The following AP3D1 variants were observed in gnomAD, a reference collection of about 807,000 sequenced individuals.
AP3D1 encodes the protein adaptor related protein complex 3 subunit delta 1.
In AP3D1, 51 loss-of-function variants were observed where a neutral mutation model predicts 147.6. The ratio of observed to expected loss-of-function variants is 0.35; its 90% CI spans 0.28 to 0.44. The LOEUF (loss-of-function observed/expected upper bound fraction) is 0.44, where lower values mean the gene tolerates loss of function less well. Among genes scored for constraint, AP3D1 ranks in the 20% least tolerant of loss-of-function variants. The probability of loss-of-function intolerance (pLI) is 1.00; values close to 1 mark genes in which losing one functional copy is unlikely to be tolerated. For synonymous variants in AP3D1, 760 were observed against 663.0 expected, an observed-to-expected ratio of 1.15 and a Z score of -2.25; for missense variants, 1,421 against 1,624.2, an observed-to-expected ratio of 0.87 and a Z score of 2.15.
chr19:2,115,585 T>G lies in AP3D1; in HGVS notation c.2102A>C (p.His701Pro). ...KRYQDTPGVE[H>P]IPVVQIDLSV... ...GAGGTCAATCTGCACCACGGGAATGTGCTCCACGCCCGGGGTGTCCTGGTA... is the reference window on the plus strand; with the variant it reads ...GAGGTCAATCTGCACCACGGGAATGGGCTCCACGCCCGGGGTGTCCTGGTA... Residue 701 changes from histidine to proline, a missense_variant, in exon 19 of 32, where the codon CAC (histidine) becomes CCC (proline). By Grantham distance (77) the His-to-Pro change is moderately conservative. Coordinates refer to ENST00000643116, the MANE Select transcript of AP3D1 (RefSeq NM_001261826.3). 1 of 1,613,058 alleles carries G rather than the reference T, an allele frequency of 6.2e-7. No homozygotes were observed. The highest frequency in any genetic ancestry group is 8.5e-7 in the Non-Finnish European group (1 of 1,179,800).
chr19:2,119,949 T>G (rs1337187111), intron 14 of AP3D1, among the ~76,000 whole-genome samples: 1 of 151,936 alleles, frequency 6.6e-6, no homozygotes, highest in East Asian at 1.9e-4. Flanking sequence ...AGACTCTGTC[T>G]CGGGGCGAGG....
chr19:2,109,237 G>C, intron 29 of AP3D1, 30 bp from the exon 30 acceptor site: 1 of 1,550,528 alleles, frequency 6.4e-7, no homozygotes, highest in Middle Eastern at 1.7e-4. Context: ...GCTGACTGCG[G>C]TGGGGCCGGG....
chr19:2,107,662 C>T (rs933520513), intron 31 of AP3D1, among the ~76,000 whole-genome samples: 19 of 151,556 alleles, frequency 1.3e-4, no homozygotes, highest in African/African-American at 4.6e-4. Context: ...ATGGCGTGAA[C>T]CAGGGAGGCG....
chr19:2,126,452 G>A (rs909418865), intron 9 of AP3D1, among the ~76,000 whole-genome samples: 1 of 152,066 alleles, frequency 6.6e-6, no homozygotes, highest in South Asian at 2.1e-4. Flanking sequence ...TCAGGAGTTC[G>A]AGACCAGCCT....
At chr19:2,140,778 G>A (rs557726486) in intron 1 of AP3D1, among the ~76,000 whole-genome samples, 95 of 24,804 alleles carry the variant, frequency 3.8e-3, no homozygotes, top group Non-Finnish European at 8.2e-3. Flanking sequence ...TTTTTTTTTT[G>A]AGACGGAGTC....
At chr19:2,137,130 C>T in intron 3 of AP3D1, 39 bp from the exon 4 acceptor site, 3 of 1,523,576 alleles carry the variant, frequency 2.0e-6, no homozygotes, top group Non-Finnish European at 1.8e-6. Flanking sequence ...GGCAGGACAC[C>T]CGCAGCCTCC....
At position 2,121,063 on chromosome 19, in the gene AP3D1, C is replaced by T. The variant is rs748434647; in HGVS notation, c.1280G>A (p.Arg427Gln). ...WYISILVELT[R>Q]LEGTRHGHLI... ...GTGGCCGTGCCGTGTGCCCTCCAGC[C>T]GGGTCAGCTCCACCAGGATGCTGAT... Residue 427 changes from arginine (R) to glutamine (Q), a missense_variant, in exon 14 of 32, where the codon CGG (arginine) becomes CAG (glutamine). Around this residue, in one of 6 missense-constraint regions of AP3D1, gnomAD observed 310 missense variants for 388.1 expected, o/e 0.80. Transcript: ENST00000643116. 3.5e-5 allele frequency: 56 copies of T among 1,613,370 alleles called. No individual in the cohort carries two copies. Among genetic ancestry groups the T allele is most frequent in the South Asian group, 6.6e-5 (6 of 91,074 alleles).
intron 18 of AP3D1, among the ~76,000 whole-genome samples, chr19:2,115,971 G>A (rs1050706073): frequency 2.0e-5 from 3 of 152,270 alleles, no homozygotes; most frequent in African/African-American, 7.2e-5. Flanking sequence ...TGGGGTCAGG[G>A]CTGGACAGCA....
intron 5 of AP3D1, among the ~76,000 whole-genome samples, chr19:2,132,198 G>A (rs1203843082): frequency 6.6e-6 from 1 of 152,106 alleles, no homozygotes; most frequent in Admixed American, 6.5e-5. Context: ...TCAGACCTCA[G>A]GGCAAACATC....
chr19:2,121,890 A>C lies in AP3D1; in HGVS notation c.956-11T>G, dbSNP rs1300935599. On this transcript the variant is annotated splice_polypyrimidine_tract_variant and intron_variant, in intron 11 of 31. Coordinates refer to ENST00000643116, the MANE Select transcript of AP3D1 (RefSeq NM_001261826.3). ...GCCCCAGGTACTTCACTGCAGAGAG[A>C]GGCCAGAGCCGGGTCACTGGGACGG... 1 of 1,594,798 alleles carries C rather than the reference A, an allele frequency of 6.3e-7. No homozygotes were observed. Among genetic ancestry groups the C allele is most frequent in the Admixed American group, 1.8e-5 (1 of 55,530 alleles).
intron 1 of AP3D1, among the ~76,000 whole-genome samples, chr19:2,139,810 A>T (rs2238598): frequency 0.069 from 10,546 of 152,164 alleles, 648 homozygotes; most frequent in East Asian, 0.16. Context: ...CAAGGATGGC[A>T]AGCCCACCCC....
At chr19:2,161,155 G>GTTT (rs58654241) in intron 1 of AP3D1, among the ~76,000 whole-genome samples, 20 of 125,374 alleles carry the variant, frequency 1.6e-4, no homozygotes, top group Middle Eastern at 4.1e-3. Context: ...GCTTCTCCTA[G>GTTT]TTTTTTTTTT....
At chr19:2,139,431 T>C (rs1051805882) in intron 1 of AP3D1, among the ~76,000 whole-genome samples, 1 of 152,130 alleles carries the variant, frequency 6.6e-6, no homozygotes, top group African/African-American at 2.4e-5. Flanking sequence ...GCCTGCTCAC[T>C]AACTGCGCGT....
chr19:2,132,412 T>C (rs899583984), intron 5 of AP3D1, 59 bp downstream of exon 5: 30 of 1,499,416 alleles, frequency 2.0e-5, no homozygotes, highest in Admixed American at 5.3e-5. Context: ...GCATGCCACT[T>C]TGACCGAGTT....
chr19:2,118,611 A>G lies in AP3D1; in HGVS notation c.1703T>C (p.Val568Ala), dbSNP rs561795998. The G allele has an allele frequency of 1.9e-6, 3 of 1,609,186 alleles. No homozygotes were observed. In the East Asian group the frequency reaches 6.7e-5, roughly 36 times the overall value. Residue 568 changes from valine (V) to alanine (A), a missense_variant, in exon 15 of 32, where the codon GTG becomes GCG. Physicochemically the swap from Val to Ala is moderately conservative, Grantham distance 64. Coordinates refer to ENST00000643116, the MANE Select transcript of AP3D1 (RefSeq NM_001261826.3). ...PQFVQSADLE[V>A]QERASCILQL... ...AGTGTTGGATCTTACCCGCTCCTGCACCTCCAGGTCTGCGCTCTGCACAAA... is the reference window on the plus strand; with the variant it reads ...AGTGTTGGATCTTACCCGCTCCTGCGCCTCCAGGTCTGCGCTCTGCACAAA...
At chr19:2,131,138 C>T (rs2018927368) in intron 5 of AP3D1, among the ~76,000 whole-genome samples, 1 of 152,266 alleles carries the variant, frequency 6.6e-6, no homozygotes, top group Non-Finnish European at 1.5e-5. Flanking sequence ...CCAGAGACAA[C>T]ACAACACGTG....
chr19:2,129,552 C>A, intron 6 of AP3D1, 95 bp from the exon 7 acceptor site: 1 of 1,427,186 alleles, frequency 7.0e-7, no homozygotes, highest in Non-Finnish European at 9.4e-7. Flanking sequence ...CTGGGGCCTG[C>A]AGCAGCTCCC....
At chr19:2,160,750 T>C (rs1223280458) in intron 1 of AP3D1, among the ~76,000 whole-genome samples, 1 of 152,082 alleles carries the variant, frequency 6.6e-6, no homozygotes. Context: ...TTCAGAATAA[T>C]GTTAGACCAG....
chr19:2,108,584 C>A (rs565948954), intron 31 of AP3D1, 103 bp downstream of exon 31: 1 of 1,066,588 alleles, frequency 9.4e-7, no homozygotes, highest in South Asian at 1.4e-5. Flanking sequence ...TCACTGTCCT[C>A]GAGCCCTCTA....
Sources: allele counts gnomAD v4.1 joint callset (sites outside exome capture counted in the v4.1 genomes callset), GRCh38; gene constraint gnomAD v4.1.1; regional missense constraint gnomAD v4.1.1; transcripts MANE v1.5; gene names NCBI Gene and HGNC (gene_info 2026-07-23, HGNC 2026-07-21).